Variants in CTNND2 observed in about 807,000 individuals in gnomAD.
CTNND2 encodes the protein catenin delta-2.
Under a neutral mutation model 144.4 loss-of-function variants are expected in CTNND2, and 22 were observed. The ratio of observed to expected loss-of-function variants is 0.15; its 90% CI spans 0.11 to 0.22. The LOEUF is 0.22. CTNND2 is among the 10% of genes least tolerant of loss of function. The pLI is 1.00. For synonymous variants in CTNND2, 751 were observed against 695.6 expected, an observed-to-expected ratio of 1.08 and a Z score of -1.25; for missense variants, 1,353 against 1,618.8, an observed-to-expected ratio of 0.84 and a Z score of 2.82.
In CTNND2 at chr5:11,441,159, T is replaced by C. The variant is rs1302808060; in HGVS notation, c.288-29090A>G. ...TGGGGATCATATTTGGTAATTACTTTTTGTTACTGAAATGTGTGTCACAGC... is the reference window on the plus strand; with the variant it reads ...TGGGGATCATATTTGGTAATTACTTCTTGTTACTGAAATGTGTGTCACAGC... On this transcript the variant is annotated intron_variant, in intron 3 of 21. Transcript: ENST00000304623. 3.9e-5 allele frequency among the ~76,000 whole-genome samples: 6 copies of C among 152,198 alleles called. No homozygotes were observed. The East Asian group carries it at 1.2e-3, about 29-fold the overall frequency.
chr5:11,903,830 G>T lies in CTNND2; in HGVS notation c.24C>A (p.Gly8=). ...CCCGCAACTCACCCAAAGGCGCGGC[G>T]CCCGGCGGCTTCCTCGCAAACATGC... MFARKPP[G]AAPLGAMPVP... is the part of the protein sequence containing the mutation. Residue 8 remains glycine (G), a synonymous_variant, in exon 1 of 22, where the codon GGC becomes GGA. Transcript: ENST00000304623. This position sits in a 1 kb window ranked among gnomAD's most constrained non-coding sequence, Gnocchi z 5.4. 1 of 1,482,510 alleles carries T rather than the reference G, an allele frequency of 6.7e-7. No homozygotes were observed. The highest frequency in any genetic ancestry group is 8.9e-7 in the Non-Finnish European group (1 of 1,122,838). The allele number at this position is 1,482,510 out of a possible 1,614,324, so 91.8% of individuals were successfully genotyped here. A position where few individuals can be genotyped will look rare whatever the true frequency, so the allele number is the denominator to read the frequency against.
At chr5:11,531,497 G>T (rs920172815) in intron 3 of CTNND2, among the ~76,000 whole-genome samples, 1 of 152,070 alleles carries the variant, frequency 6.6e-6, no homozygotes, top group African/African-American at 2.4e-5. Context: ...ATGGTGGCAG[G>T]CACCTGTAGT....
intron 5 of CTNND2, 114 bp from the exon 6 acceptor site, chr5:11,397,317 C>T: frequency 1.2e-6 from 1 of 831,052 alleles, no homozygotes; most frequent in Non-Finnish European, 1.7e-6. Context: ...TCCAGCCATC[C>T]ATGCTTAAAA....
chr5:11,543,610 T>A (rs892562190), intron 3 of CTNND2, among the ~76,000 whole-genome samples: 1 of 147,372 alleles, frequency 6.8e-6, no homozygotes, highest in African/African-American at 2.5e-5. Flanking sequence ...TTGCATGGCA[T>A]ATACATTATA....
intron 3 of CTNND2, among the ~76,000 whole-genome samples, chr5:11,436,239 T>C (rs1300989681): frequency 6.6e-6 from 1 of 152,030 alleles, no homozygotes; most frequent in Non-Finnish European, 1.5e-5. Flanking sequence ...AAGACCTTTC[T>C]ACAGTCAGAG....
intron 20 of CTNND2, among the ~76,000 whole-genome samples, chr5:10,982,340 A>C (rs1737392702): frequency 6.6e-6 from 1 of 152,252 alleles, no homozygotes; most frequent in Non-Finnish European, 1.5e-5. Flanking sequence ...CATCGCCTGC[A>C]TGTCCCCCAT....
intron 9 of CTNND2, among the ~76,000 whole-genome samples, chr5:11,342,534 T>C (rs919954764): frequency 2.6e-5 from 4 of 152,214 alleles, no homozygotes; most frequent in African/African-American, 9.6e-5. Flanking sequence ...TTAAGCATGT[T>C]TGAAAAACTG....
At chr5:11,739,564 T>TTTA (rs1294358225) in intron 1 of CTNND2, among the ~76,000 whole-genome samples, 2 of 152,160 alleles carry the variant, frequency 1.3e-5, no homozygotes, top group African/African-American at 4.8e-5. Flanking sequence ...TTGAGAGCTA[T>TTTA]TTATGACAAA....
chr5:11,277,210 C>A (rs1482078476), intron 9 of CTNND2, among the ~76,000 whole-genome samples: 7 of 151,864 alleles, frequency 4.6e-5, no homozygotes, highest in Non-Finnish European at 1.0e-4. Flanking sequence ...ATAGAGGATA[C>A]AACTCAATAG....
intron 2 of CTNND2, among the ~76,000 whole-genome samples, chr5:11,570,868 AACTCTCATT>A (rs1777499640): frequency 6.6e-6 from 1 of 151,790 alleles, no homozygotes; most frequent in African/African-American, 2.4e-5. Context: ...CTTTTTCTTC[AACTCTCATT>A]ATTCAGATGC....
At chr5:11,259,889 A>G (rs928296961) in intron 9 of CTNND2, among the ~76,000 whole-genome samples, 3 of 152,220 alleles carry the variant, frequency 2.0e-5, no homozygotes, top group African/African-American at 7.2e-5. Context: ...GGACCCAGAG[A>G]GCTGTTCATC....
At chr5:11,543,036 G>C (rs767300349) in intron 3 of CTNND2, among the ~76,000 whole-genome samples, 1 of 152,198 alleles carries the variant, frequency 6.6e-6, no homozygotes, top group Non-Finnish European at 1.5e-5. Flanking sequence ...TCTGCTCCAG[G>C]AACAACAAAC....
rs190357380 is a variant in CTNND2 at position 11,733,262 on chromosome 5, T to C, written c.38-990A>G. Among the ~76,000 whole-genome samples the C allele has an allele frequency of 5.9e-5, 9 of 152,228 alleles. No individual in the cohort carries two copies. The East Asian group carries it at 1.7e-3, about 30-fold the overall frequency. ...TGGTATCTGGGGGGATGAGACAGTT[T>C]TGGGGACTGAACCCTCAACATGTGG... is the stretch of plus-strand genomic sequence containing the variant. On this transcript the variant is annotated intron_variant, in intron 1 of 21. Coordinates refer to ENST00000304623, the MANE Select transcript of CTNND2 (RefSeq NM_001332.4).
intron 11 of CTNND2, among the ~76,000 whole-genome samples, chr5:11,166,757 T>C (rs1400854751): frequency 6.6e-6 from 1 of 152,134 alleles, no homozygotes; most frequent in Non-Finnish European, 1.5e-5. Flanking sequence ...GTGCATCTGC[T>C]ATACAAACGA....
At chr5:11,360,938 T>C (rs1352273714) in intron 8 of CTNND2, among the ~76,000 whole-genome samples, 1 of 152,250 alleles carries the variant, frequency 6.6e-6, no homozygotes, top group Admixed American at 6.5e-5. Flanking sequence ...GTCTATCTAT[T>C]TTGTTTTTAA....
chr5:11,450,625 C>T (rs531400478), intron 3 of CTNND2, among the ~76,000 whole-genome samples: 1 of 152,116 alleles, frequency 6.6e-6, no homozygotes, highest in African/African-American at 2.4e-5. Context: ...CCAGGCTGGG[C>T]GTGGTGGCTC....
At chr5:11,713,610 C>T (rs1021437262) in intron 2 of CTNND2, among the ~76,000 whole-genome samples, 19 of 146,248 alleles carry the variant, frequency 1.3e-4, no homozygotes, top group Non-Finnish European at 2.5e-4. Flanking sequence ...AAAAAAATAC[C>T]ATATATATAC....
intron 5 of CTNND2, among the ~76,000 whole-genome samples, chr5:11,408,720 A>G (rs1761285686): frequency 6.6e-6 from 1 of 152,102 alleles, no homozygotes; most frequent in African/African-American, 2.4e-5. Context: ...TAACTTCCCT[A>G]TTATAAACCA....
intron 2 of CTNND2, among the ~76,000 whole-genome samples, chr5:11,706,637 T>C (rs139429367): frequency 9.3e-4 from 142 of 152,336 alleles, no homozygotes; most frequent in African/African-American, 3.2e-3. Flanking sequence ...TACAGTTATG[T>C]CTTTTTGTGA....
Sources: allele counts gnomAD v4.1 joint callset (sites outside exome capture counted in the v4.1 genomes callset), GRCh38; gene constraint gnomAD v4.1.1; non-coding constraint Gnocchi (gnomAD v3.1); transcripts MANE v1.5; gene names NCBI Gene and HGNC (gene_info 2026-07-23, HGNC 2026-07-21).